The following CLNS1A variants were observed in gnomAD, a reference collection of about 807,000 sequenced individuals.
CLNS1A encodes chloride nucleotide-sensitive channel 1A.
A neutral mutation model predicts 29.4 loss-of-function variants in CLNS1A; 16 were observed. The ratio of observed to expected loss-of-function variants is 0.54; its 90% confidence interval spans 0.37 to 0.83. The LOEUF is 0.83. Ranked by LOEUF, CLNS1A falls within the 40% of genes least tolerant of loss-of-function variation. The pLI is 0.00. For missense variants in CLNS1A, 235 were observed against 287.4 expected (o/e 0.82, Z 1.32); for synonymous variants, 96 against 104.8 (o/e 0.92, Z 0.51).
intron 4 of CLNS1A, 137 bp downstream of exon 4, chr11:77,624,823 AAAT>A (rs142648312): frequency 0.12 from 64,913 of 540,546 alleles, 4,673 homozygotes; most frequent in Admixed American, 0.2. Flanking sequence ...TCCATCTCAA[AAAT>A]AATAATAATA....
chr11:77,630,980 A>C (rs1959067879), intron 1 of CLNS1A, among the ~76,000 whole-genome samples: 1 of 152,200 alleles, frequency 6.6e-6, no homozygotes, highest in African/African-American at 2.4e-5. Context: ...ATGCTATATG[A>C]ATTATTTTTA....
chr11:77,636,900 G>A (rs1959131064), intron 1 of CLNS1A, among the ~76,000 whole-genome samples: 3 of 152,060 alleles, frequency 2.0e-5, no homozygotes, highest in South Asian at 2.1e-4. Context: ...CAATATTTAC[G>A]GTAGATCTAT....
Position 77,615,898 on chromosome 11 carries a change from T to G in CLNS1A, c.*820A>C, listed in dbSNP as rs1958902132. The G allele has an allele frequency of 6.6e-6, 1 of 152,288 alleles. No individual in the cohort carries two copies. The highest frequency in any genetic ancestry group is 2.1e-4 in the South Asian group (1 of 4,828). 9.4% of individuals were successfully genotyped at this position (152,288 alleles called of 1,614,324 possible). On this transcript the variant is annotated 3_prime_UTR_variant, in exon 7 of 7. Coordinates refer to ENST00000525428, the MANE Select transcript of CLNS1A (RefSeq NM_001293.3). Reference sequence around the variant, plus strand: ...ATAATACCCAGGTATCTATGAAAACTAAAAATTGAGAGTTGATAAATATAA... The same window carrying G: ...ATAATACCCAGGTATCTATGAAAACGAAAAATTGAGAGTTGATAAATATAA...
chr11:77,625,725 T>C lies in CLNS1A; in HGVS notation c.356A>G (p.Lys119Arg). The C allele has an allele frequency of 1.9e-6, 3 of 1,611,364 alleles. No homozygotes were observed. The highest frequency in any genetic ancestry group is 2.5e-6 in the Non-Finnish European group (3 of 1,179,148). The change falls in exon 3 of 7, where the codon AAA (lysine) becomes AGA (arginine). Residue 119 changes from lysine to arginine, a missense_variant. Lys to Arg is a conservative substitution (Grantham distance 26). Coordinates refer to ENST00000525428, the MANE Select transcript of CLNS1A (RefSeq NM_001293.3). ...ITEFRFVPSD[K>R]SALEAMFTAM... ...TACTGTAGAACACTCACACGCTGAT[T>C]TATCACTAGGCACAAATCTAAATTC... is the stretch of plus-strand genomic sequence containing the variant.
intron 1 of CLNS1A, among the ~76,000 whole-genome samples, chr11:77,631,324 C>CT (rs768574905): frequency 0.03 from 4,226 of 141,102 alleles, 183 homozygotes; most frequent in African/African-American, 0.097. Context: ...TAATTGTATA[C>CT]TTTTTTTTTT....
At chr11:77,635,464 G>C (rs566361560) in intron 1 of CLNS1A, among the ~76,000 whole-genome samples, 41 of 151,000 alleles carry the variant, frequency 2.7e-4, no homozygotes, top group African/African-American at 1.0e-3. Flanking sequence ...CGATTCTCCT[G>C]CCTCAGCCTC....
In CLNS1A at chr11:77,634,495, G is replaced by A. The variant is rs1959103898; in HGVS notation, c.125+3095C>T. ...AATCCCAGCACTTTGGGAGGCCAAG[G>A]TGGGTGGATCATGAGGTCAGGAATT... On this transcript the variant is annotated intron_variant, in intron 1 of 6. Coordinates refer to ENST00000525428, the MANE Select transcript of CLNS1A (RefSeq NM_001293.3). 3.3e-5 allele frequency among the ~76,000 whole-genome samples: 5 copies of A among 152,252 alleles called. 1 individual carries two copies. The South Asian group carries it at 1.0e-3, about 32-fold the overall frequency.
At chr11:77,630,577 A>T (rs899920027) in intron 1 of CLNS1A, among the ~76,000 whole-genome samples, 1 of 152,214 alleles carries the variant, frequency 6.6e-6, no homozygotes, top group East Asian at 1.9e-4. Context: ...CATTTATTCA[A>T]CGTCTTTAAG....
chr11:77,637,493 C>T (rs1413561223), intron 1 of CLNS1A, 97 bp downstream of exon 1: 1 of 1,451,998 alleles, frequency 6.9e-7, no homozygotes, highest in East Asian at 2.5e-5. Context: ...CCCAGCAGGC[C>T]TCCAGGCCGC....
At position 77,622,617 on chromosome 11, in the gene CLNS1A, G is replaced by C; in HGVS notation, c.529C>G (p.Leu177Val). The C allele has an allele frequency of 6.2e-7, 1 of 1,613,622 alleles. No individual in the cohort carries two copies. The change falls in exon 5 of 7, where the codon CTA (leucine) becomes GTA (valine). Residue 177 changes from leucine (L) to valine (V), a missense_variant. By Grantham distance (32) the Leu-to-Val change is conservative. Transcript: ENST00000525428. ...AGTGTGGCTTGGCCTTCTGCTGTTA[G>C]ATGGGATAATCCTTCTTCATAGGTG... ...FYTYEEGLSH[L>V]TAEGQATLER...
intron 4 of CLNS1A, 53 bp from the exon 5 acceptor site, chr11:77,622,726 A>G (rs1958974843): frequency 2.9e-6 from 4 of 1,359,684 alleles, no homozygotes; most frequent in Non-Finnish European, 3.0e-6. Context: ...AAAAAACAAA[A>G]TGGAATCAAT....
At chr11:77,620,671 T>C (rs1565124301) in intron 5 of CLNS1A, among the ~76,000 whole-genome samples, 2 of 151,556 alleles carry the variant, frequency 1.3e-5, no homozygotes, top group Admixed American at 6.6e-5. Flanking sequence ...TACCCGGGCA[T>C]GGTGGCAGGC....
chr11:77,627,414 G>A (rs1202143268), intron 2 of CLNS1A, among the ~76,000 whole-genome samples: 2 of 150,892 alleles, frequency 1.3e-5, no homozygotes, highest in African/African-American at 4.9e-5. Flanking sequence ...ACTCCAGCCT[G>A]GCGACAGAGC....
chr11:77,625,905 T>C, intron 2 of CLNS1A, 87 bp from the exon 3 acceptor site: 2 of 1,096,894 alleles, frequency 1.8e-6, no homozygotes, highest in Non-Finnish European at 2.6e-6. Flanking sequence ...AATTCAATTT[T>C]AATTTCCAAT....
chr11:77,637,324 A>G (rs1959141337), intron 1 of CLNS1A, among the ~76,000 whole-genome samples: 1 of 128,574 alleles, frequency 7.8e-6, no homozygotes, highest in Non-Finnish European at 1.6e-5. Flanking sequence ...AGAGAAAGAG[A>G]AAGAGGAAAA....
intron 1 of CLNS1A, among the ~76,000 whole-genome samples, chr11:77,632,155 G>A (rs1411684473): frequency 6.6e-6 from 1 of 152,210 alleles, no homozygotes; most frequent in African/African-American, 2.4e-5. Context: ...GTTATGTGCT[G>A]TATGCATCTT....
chr11:77,629,310 T>C (rs1301193905), intron 2 of CLNS1A, among the ~76,000 whole-genome samples: 1 of 152,192 alleles, frequency 6.6e-6, no homozygotes, highest in East Asian at 1.9e-4. Flanking sequence ...TCCAAGTTGC[T>C]GTGCTGAAAT....
chr11:77,636,477 T>G (rs1959126927), intron 1 of CLNS1A, among the ~76,000 whole-genome samples: 1 of 152,232 alleles, frequency 6.6e-6, no homozygotes, highest in South Asian at 2.1e-4. Flanking sequence ...TCTCAGTTTC[T>G]GGCCTGAAGC....
intron 2 of CLNS1A, among the ~76,000 whole-genome samples, chr11:77,627,803 C>T (rs933550858): frequency 2.0e-5 from 3 of 152,092 alleles, no homozygotes; most frequent in Admixed American, 6.6e-5. Flanking sequence ...AAATGACTTG[C>T]CTAGCAAGTT....
Sources: allele counts gnomAD v4.1 joint callset (sites outside exome capture counted in the v4.1 genomes callset), GRCh38; gene constraint gnomAD v4.1.1; transcripts MANE v1.5; gene names NCBI Gene and HGNC (gene_info 2026-07-23, HGNC 2026-07-21).